Variants in BAZ1B observed in about 807,000 individuals in gnomAD.
The protein encoded by BAZ1B is tyrosine-protein kinase BAZ1B.
BAZ1B carries 22 observed loss-of-function variants against 153.8 expected under a neutral mutation model. The ratio of observed to expected loss-of-function variants is 0.14; its 90% confidence interval spans 0.10 to 0.20. The LOEUF (loss-of-function observed/expected upper bound fraction) is 0.20, where lower values mean the gene tolerates loss of function less well. Among genes scored for constraint, BAZ1B ranks in the 10% least tolerant of loss-of-function variants. The pLI is 1.00. For missense variants in BAZ1B, 1,325 were observed against 1,799.3 expected (o/e 0.74, Z 4.77); for synonymous variants, 676 against 633.4 (o/e 1.07, Z -1.01).
intron 1 of BAZ1B, among the ~76,000 whole-genome samples, chr7:73,520,180 A>G (rs7811265): frequency 0.22 from 32,967 of 148,372 alleles, 4,323 homozygotes; most frequent in African/African-American, 0.36. Context: ...CTGCACTGCC[A>G]CCTGGGTTAA....
chr7:73,446,737 A>G (rs1787852163), intron 16 of BAZ1B, among the ~76,000 whole-genome samples: 1 of 152,104 alleles, frequency 6.6e-6, no homozygotes, highest in Non-Finnish European at 1.5e-5. Flanking sequence ...TCTAGTGAGA[A>G]CAGATCTGAA....
chr7:73,507,440 A>G (rs1790389102), intron 3 of BAZ1B, among the ~76,000 whole-genome samples: 1 of 151,818 alleles, frequency 6.6e-6, no homozygotes, highest in South Asian at 2.1e-4. Flanking sequence ...TCCCAGCTAC[A>G]TGGAGGGTGA....
At position 73,489,302 on chromosome 7, in the gene BAZ1B, T is replaced by A. The variant is rs544672480; in HGVS notation, c.783A>T (p.Ala261=). 1 of 1,614,106 alleles carries A rather than the reference T, an allele frequency of 6.2e-7. No homozygotes were observed. Among genetic ancestry groups the A allele is most frequent in the Admixed American group, 1.7e-5 (1 of 60,002 alleles). Residue 261 remains alanine (A), a synonymous_variant, in exon 6 of 20, where the codon GCA becomes GCT. Coordinates refer to ENST00000339594, the MANE Select transcript of BAZ1B (RefSeq NM_032408.4). ...CATTTTCACCAGTACCAGCTCGTAA[T>A]GCATTATGCCGTATAAAGTATCGAA... ...EIVRYFIRHN[A]LRAGTGENAP... is the part of the protein sequence containing the mutation.
chr7:73,461,399 T>C (rs782202086), intron 12 of BAZ1B, among the ~76,000 whole-genome samples: 2 of 152,234 alleles, frequency 1.3e-5, no homozygotes, highest in Non-Finnish European at 1.5e-5. Context: ...AACGTTTTAA[T>C]AGTCACAAAG....
intron 9 of BAZ1B, among the ~76,000 whole-genome samples, chr7:73,468,591 AGT>A (rs1373236371): frequency 3.3e-5 from 5 of 152,304 alleles, no homozygotes; most frequent in African/African-American, 1.2e-4. Context: ...AAAACTATTC[AGT>A]GTGTGTTTCT....
intron 2 of BAZ1B, among the ~76,000 whole-genome samples, chr7:73,509,410 A>G (rs1554578256): frequency 6.6e-6 from 1 of 152,202 alleles, no homozygotes; most frequent in Non-Finnish European, 1.5e-5. Flanking sequence ...ATATACGTAA[A>G]GCACTGGGGA....
At chr7:73,506,868 A>G (rs1476537495) in intron 3 of BAZ1B, among the ~76,000 whole-genome samples, 2 of 147,968 alleles carry the variant, frequency 1.4e-5, no homozygotes, top group African/African-American at 2.5e-5. Context: ...AAAAAAAAAA[A>G]AAGTCTTAAA....
chr7:73,463,204 T>A, intron 11 of BAZ1B, 105 bp from the exon 12 acceptor site: 1 of 1,035,600 alleles, frequency 9.7e-7, no homozygotes, highest in Non-Finnish European at 1.4e-6. Context: ...CTTACTTAGA[T>A]CTCTTTCACC....
chr7:73,443,106 G>A (rs569060143), intron 17 of BAZ1B, among the ~76,000 whole-genome samples: 5 of 152,192 alleles, frequency 3.3e-5, no homozygotes, highest in African/African-American at 1.2e-4. Flanking sequence ...AGTCCTGCTG[G>A]AGGTCGGCTG....
At chr7:73,456,226 C>T (rs1265443225) in intron 13 of BAZ1B, among the ~76,000 whole-genome samples, 6 of 152,110 alleles carry the variant, frequency 3.9e-5, no homozygotes, top group African/African-American at 1.2e-4. Context: ...GAGAAAGAAA[C>T]GTTCATGACA....
chr7:73,481,409 C>T (rs1389679844), intron 6 of BAZ1B, among the ~76,000 whole-genome samples: 1 of 149,320 alleles, frequency 6.7e-6, no homozygotes, highest in African/African-American at 2.5e-5. Flanking sequence ...CCCAGCTACT[C>T]GGGAGGCTGA....
chr7:73,476,729 AAAAT>A (rs1789014007), intron 7 of BAZ1B, 135 bp downstream of exon 7: 1 of 1,367,618 alleles, frequency 7.3e-7, no homozygotes, highest in East Asian at 2.4e-5. Context: ...AATAAAAAAT[AAAAT>A]ACATACCAAT....
intron 1 of BAZ1B, among the ~76,000 whole-genome samples, chr7:73,516,678 G>C (rs1185877101): frequency 6.7e-6 from 1 of 148,954 alleles, no homozygotes; most frequent in African/African-American, 2.5e-5. Context: ...GGGAGGCTGA[G>C]GCAGGAGAAT....
At chr7:73,485,859 A>T (rs1789387378) in intron 6 of BAZ1B, among the ~76,000 whole-genome samples, 1 of 152,192 alleles carries the variant, frequency 6.6e-6, no homozygotes, top group African/African-American at 2.4e-5. Context: ...AGGCTTCCCT[A>T]CTAGGATTTA....
chr7:73,482,736 G>A (rs782587764), intron 6 of BAZ1B, among the ~76,000 whole-genome samples: 15 of 152,316 alleles, frequency 9.8e-5, no homozygotes, highest in Admixed American at 3.3e-4. Flanking sequence ...GCTTAGCCAT[G>A]AGGGTCTAGC....
In BAZ1B at chr7:73,516,453, C is replaced by G. The variant is rs144836153; in HGVS notation, c.107+5374G>C. On this transcript the variant is annotated intron_variant, in intron 1 of 19. Transcript: ENST00000339594. ...ATACATCTCAGAAAATGTCCTCTGA[C>G]AGTATTAACTTAAAATTAATTGCCT... 2.0e-5 allele frequency among the ~76,000 whole-genome samples: 3 copies of G among 152,090 alleles called. No homozygotes were observed. The East Asian group carries it at 5.8e-4, about 29-fold the overall frequency.
chr7:73,460,409 T>C (rs1554570196), intron 12 of BAZ1B, among the ~76,000 whole-genome samples: 1 of 152,170 alleles, frequency 6.6e-6, no homozygotes, highest in Non-Finnish European at 1.5e-5. Context: ...TTAATGTTTT[T>C]TTAATTTTTT....
intron 7 of BAZ1B, among the ~76,000 whole-genome samples, chr7:73,471,820 CTG>C (rs1403283511): frequency 6.6e-6 from 1 of 151,190 alleles, no homozygotes; most frequent in Non-Finnish European, 1.5e-5. Context: ...CCAAGTGAAA[CTG>C]TGTATTTGTA....
intron 7 of BAZ1B, among the ~76,000 whole-genome samples, chr7:73,474,780 C>CA (rs1262502590): frequency 2.0e-5 from 3 of 151,932 alleles, no homozygotes; most frequent in Non-Finnish European, 4.4e-5. Context: ...CCGTCTCCCC[C>CA]AAAAAAAGTA....
Sources: allele counts gnomAD v4.1 joint callset (sites outside exome capture counted in the v4.1 genomes callset), GRCh38; gene constraint gnomAD v4.1.1; transcripts MANE v1.5; gene names NCBI Gene and HGNC (gene_info 2026-07-23, HGNC 2026-07-21).